The following FOXO1 variants were observed in gnomAD, a reference collection of about 807,000 sequenced individuals.
The protein encoded by FOXO1 is forkhead box O1, also known as forkhead box protein O1.
FOXO1 carries 6 observed loss-of-function variants against 44.1 expected under a neutral mutation model. The observed-to-expected ratio is 0.14, with a 90% CI of 0.07 to 0.27. The LOEUF (loss-of-function observed/expected upper bound fraction) is 0.27. FOXO1 is among the 10% of genes least tolerant of loss of function. FOXO1 has a pLI of 1.00. For missense variants in FOXO1, 737 were observed against 888.8 expected, an observed-to-expected ratio of 0.83 and a Z score of 2.17; for synonymous variants, 380 against 362.7, an observed-to-expected ratio of 1.05 and a Z score of -0.54.
chr13:40,613,982 C>G (rs1291885254), intron 1 of FOXO1, among the ~76,000 whole-genome samples: 1 of 152,184 alleles, frequency 6.6e-6, no homozygotes, highest in African/African-American at 2.4e-5. Context: ...AGCACTCAAC[C>G]CGGTATTTTA....
chr13:40,573,195 C>T (rs1377135676), intron 1 of FOXO1, among the ~76,000 whole-genome samples: 1 of 152,194 alleles, frequency 6.6e-6, no homozygotes, highest in African/African-American at 2.4e-5. Flanking sequence ...ACTCAGCACC[C>T]ACTGAGCAGA....
At chr13:40,591,454 C>T (rs1875366457) in intron 1 of FOXO1, among the ~76,000 whole-genome samples, 1 of 152,136 alleles carries the variant, frequency 6.6e-6, no homozygotes, top group South Asian at 2.1e-4. Flanking sequence ...GGTCCAGAGA[C>T]CTCCAGGAAT....
At chr13:40,659,490 T>C (rs1263561517) in intron 1 of FOXO1, among the ~76,000 whole-genome samples, 5 of 151,126 alleles carry the variant, frequency 3.3e-5, no homozygotes, top group Non-Finnish European at 7.4e-5. Flanking sequence ...GTAATGAATA[T>C]GGCTTGAAAT....
intron 1 of FOXO1, among the ~76,000 whole-genome samples, chr13:40,588,393 T>C (rs1049744189): frequency 1.3e-5 from 2 of 152,202 alleles, no homozygotes; most frequent in Non-Finnish European, 2.9e-5. Context: ...CTACCTTTTC[T>C]TTTTCCATTT....
chr13:40,610,513 A>C (rs1876190944), intron 1 of FOXO1, among the ~76,000 whole-genome samples: 1 of 152,234 alleles, frequency 6.6e-6, no homozygotes, highest in South Asian at 2.1e-4. Flanking sequence ...TCCCAGTGTC[A>C]GCAGGTTCAC....
At chr13:40,629,168 G>A (rs905432254) in intron 1 of FOXO1, among the ~76,000 whole-genome samples, 1 of 150,098 alleles carries the variant, frequency 6.7e-6, no homozygotes, top group African/African-American at 2.5e-5. Flanking sequence ...TTCAGACAGA[G>A]TTTCACTCTT....
At chr13:40,593,698 T>C (rs1034734704) in intron 1 of FOXO1, among the ~76,000 whole-genome samples, 4 of 152,214 alleles carry the variant, frequency 2.6e-5, no homozygotes, top group Non-Finnish European at 4.4e-5. Context: ...TTTTTTCAAA[T>C]GGGAGTTAAT....
chr13:40,639,324 G>A (rs1877272576), intron 1 of FOXO1, among the ~76,000 whole-genome samples: 1 of 152,226 alleles, frequency 6.6e-6, no homozygotes, highest in Admixed American at 6.5e-5. Flanking sequence ...TGATGGAATA[G>A]GAGGTCAGAC....
At position 40,559,550 on chromosome 13, in the gene FOXO1, T is replaced by C. The variant is rs1434940921; in HGVS notation, c.1941A>G (p.Thr647=). Residue 647 remains threonine, a synonymous_variant, in exon 2 of 3, where the codon ACA becomes ACG. Transcript: ENST00000379561. The stretch of plus-strand genomic sequence containing the variant: ...AGCCTGACACCCAGCTATGTGTCGT[T>C]GTCTTGACACTGTGTGGGAAGCTTT... The part of the protein sequence containing the change: ...PNQSFPHSVK[T]TTHSWVSG 1.9e-6 allele frequency: 3 copies of C among 1,607,282 alleles called. No homozygotes were observed. The highest frequency in any genetic ancestry group is 2.6e-6 in the Non-Finnish European group (3 of 1,175,766).
chr13:40,643,929 T>C (rs1207214772), intron 1 of FOXO1, among the ~76,000 whole-genome samples: 1 of 152,178 alleles, frequency 6.6e-6, no homozygotes, highest in Non-Finnish European at 1.5e-5. Context: ...AGTACCGCAG[T>C]GATGTGACTT....
At chr13:40,661,259 A>T (rs1878027238) in intron 1 of FOXO1, among the ~76,000 whole-genome samples, 1 of 151,902 alleles carries the variant, frequency 6.6e-6, no homozygotes, top group African/African-American at 2.4e-5. Context: ...AAGTACATAT[A>T]CAGGATTATC....
chr13:40,619,102 G>A (rs1351739928), intron 1 of FOXO1: 24 of 397,300 alleles, frequency 6.0e-5, no homozygotes, highest in Non-Finnish European at 1.2e-4. Flanking sequence ...TGGCCAACAT[G>A]GTGAAACCCC....
chr13:40,594,754 T>C (rs1239110662), intron 1 of FOXO1, among the ~76,000 whole-genome samples: 3 of 152,154 alleles, frequency 2.0e-5, no homozygotes, highest in South Asian at 4.1e-4. Flanking sequence ...GGTACAATCA[T>C]GGCTCACTTG....
At chr13:40,616,352 C>T (rs999178663) in intron 1 of FOXO1, among the ~76,000 whole-genome samples, 4 of 151,936 alleles carry the variant, frequency 2.6e-5, no homozygotes, top group Admixed American at 6.5e-5. Context: ...AGTCAGAGAG[C>T]GCTGCAAAGG....
intron 1 of FOXO1, among the ~76,000 whole-genome samples, chr13:40,651,344 T>C (rs1232204349): frequency 1.3e-5 from 2 of 152,156 alleles, no homozygotes; most frequent in African/African-American, 2.4e-5. Flanking sequence ...CTTAAAGAAA[T>C]ACCCAGAATT....
At chr13:40,584,746 C>T (rs894840211) in intron 1 of FOXO1, among the ~76,000 whole-genome samples, 2 of 152,198 alleles carry the variant, frequency 1.3e-5, no homozygotes, top group East Asian at 3.9e-4. Context: ...TAACCAAGCA[C>T]ATAAATTCCC....
intron 1 of FOXO1, among the ~76,000 whole-genome samples, chr13:40,651,737 G>C (rs1360719): frequency 0.41 from 62,572 of 150,818 alleles, 14,257 homozygotes; most frequent in East Asian, 0.75. Context: ...ATAAATATAA[G>C]ATTATAAATA....
intron 1 of FOXO1, among the ~76,000 whole-genome samples, chr13:40,612,526 G>A (rs1876271292): frequency 6.6e-6 from 1 of 152,204 alleles, no homozygotes; most frequent in Admixed American, 6.5e-5. Flanking sequence ...TGCCTAAGGA[G>A]ATTTCTTTCA....
intron 1 of FOXO1, among the ~76,000 whole-genome samples, chr13:40,575,213 C>T (rs1379766779): frequency 2.6e-5 from 4 of 151,738 alleles, no homozygotes; most frequent in Admixed American, 2.6e-4. Context: ...TGGTGTTGCA[C>T]ATTTGTAGTC....
Sources: allele counts gnomAD v4.1 joint callset (sites outside exome capture counted in the v4.1 genomes callset), GRCh38; gene constraint gnomAD v4.1.1; transcripts MANE v1.5; gene names NCBI Gene and HGNC (gene_info 2026-07-23, HGNC 2026-07-21).